The following GAS2 variants were observed in gnomAD, a reference collection of about 807,000 sequenced individuals.
GAS2 encodes growth arrest-specific protein 2.
Under a neutral mutation model 37.5 loss-of-function variants are expected in GAS2, and 20 were observed. The observed-to-expected ratio is 0.53, with a 90% confidence interval of 0.37 to 0.77. GAS2 has a LOEUF of 0.77. Among genes scored for constraint, GAS2 ranks in the 30% least tolerant of loss-of-function variants. The probability of loss-of-function intolerance (pLI) is 0.00; values close to 1 mark genes in which losing one functional copy is unlikely to be tolerated. For synonymous variants in GAS2, 144 were observed against 132.2 expected (o/e 1.09, Z -0.61); for missense variants, 336 against 373.4 (o/e 0.90, Z 0.82).
intron 1 of GAS2, among the ~76,000 whole-genome samples, chr11:22,637,980 T>C (rs868462316): frequency 1.3e-5 from 2 of 151,964 alleles, no homozygotes; most frequent in Admixed American, 6.6e-5. Flanking sequence ...TTTTTCCAGT[T>C]TCAGTTTTAC....
At chr11:22,746,032 TTTAGCCAG>T (rs1853381483) in intron 5 of GAS2, among the ~76,000 whole-genome samples, 1 of 151,752 alleles carries the variant, frequency 6.6e-6, no homozygotes, top group Admixed American at 6.6e-5. Flanking sequence ...ACACAAAAAA[TTTAGCCAG>T]GCATGGTGGC....
intron 1 of GAS2, among the ~76,000 whole-genome samples, chr11:22,669,260 AAT>A (rs1237064902): frequency 2.6e-5 from 4 of 152,148 alleles, no homozygotes; most frequent in African/African-American, 9.7e-5. Flanking sequence ...TATTGTTAAC[AAT>A]AGTCATTAGA....
chr11:22,738,391 T>C (rs1416171609), intron 5 of GAS2, among the ~76,000 whole-genome samples: 1 of 152,206 alleles, frequency 6.6e-6, no homozygotes, highest in East Asian at 1.9e-4. Flanking sequence ...GGAACTCTGT[T>C]AGCTAAAGCA....
intron 7 of GAS2, among the ~76,000 whole-genome samples, chr11:22,808,912 T>C (rs1857013252): frequency 2.0e-5 from 3 of 152,204 alleles, no homozygotes; most frequent in Admixed American, 6.5e-5. Flanking sequence ...GATGAAATTA[T>C]AAAAGCCCTA....
At chr11:22,779,549 T>A in intron 7 of GAS2, among the ~76,000 whole-genome samples, 1 of 151,986 alleles carries the variant, frequency 6.6e-6, no homozygotes, top group East Asian at 1.9e-4. Flanking sequence ...AATATAAAAA[T>A]TAGTCAGGTG....
At chr11:22,647,584 A>G (rs1426012372) in intron 1 of GAS2, among the ~76,000 whole-genome samples, 3 of 152,014 alleles carry the variant, frequency 2.0e-5, no homozygotes, top group Non-Finnish European at 2.9e-5. Context: ...TCCAGCACCT[A>G]TTGTTTCCTG....
intron 1 of GAS2, among the ~76,000 whole-genome samples, chr11:22,641,602 A>G (rs952496689): frequency 4.0e-5 from 6 of 151,674 alleles, no homozygotes; most frequent in Non-Finnish European, 8.8e-5. Context: ...GATGTTGCTA[A>G]TTCCTAGCTG....
chr11:22,629,115 T>C (rs770914184), intron 1 of GAS2, among the ~76,000 whole-genome samples: 2 of 152,166 alleles, frequency 1.3e-5, no homozygotes, highest in Non-Finnish European at 2.9e-5. Flanking sequence ...AATTGTGAAT[T>C]ATGCTGTGAT....
chr11:22,738,439 G>T (rs1450205944), intron 5 of GAS2, among the ~76,000 whole-genome samples: 5 of 152,076 alleles, frequency 3.3e-5, no homozygotes. Context: ...TTATTATCTT[G>T]CATACCATCA....
chr11:22,737,624 T>G, intron 4 of GAS2, 81 bp from the exon 5 acceptor site: 7 of 1,287,668 alleles, frequency 5.4e-6, no homozygotes, highest in Non-Finnish European at 7.9e-6. Flanking sequence ...GCACGAGGAA[T>G]GAGGGTCATT....
Position 22,654,526 on chromosome 11 carries a change from T to A in GAS2, c.-20-20324T>A, listed in dbSNP as rs337511. Among the ~76,000 whole-genome samples the A allele has an allele frequency of 2.0e-5, 3 of 151,924 alleles. No homozygotes were observed. In the East Asian group the frequency reaches 5.8e-4, roughly 30 times the overall value. On this transcript the variant is annotated intron_variant, in intron 1 of 5. Coordinates refer to the GAS2 transcript ENST00000528582. Reference sequence around the variant, plus strand: ...TCCTCCCACCTTAGCCTCCTGAGAGTTTGGGACTACAGGCATGTGCAACAA... The same window carrying A: ...TCCTCCCACCTTAGCCTCCTGAGAGATTGGGACTACAGGCATGTGCAACAA...
At chr11:22,789,523 G>T (rs1274221083) in intron 7 of GAS2, among the ~76,000 whole-genome samples, 3 of 133,592 alleles carry the variant, frequency 2.2e-5, no homozygotes, top group South Asian at 2.5e-4. Flanking sequence ...GTGCAGTGGC[G>T]TGATCTCGGC....
intron 1 of GAS2, among the ~76,000 whole-genome samples, chr11:22,673,518 C>A (rs138202069): frequency 6.6e-6 from 1 of 152,142 alleles, no homozygotes; most frequent in Admixed American, 6.6e-5. Flanking sequence ...TTATATACAG[C>A]GTAGAATCCT....
At chr11:22,724,571 G>A (rs543165330) in intron 3 of GAS2, among the ~76,000 whole-genome samples, 1 of 152,066 alleles carries the variant, frequency 6.6e-6, no homozygotes, top group Non-Finnish European at 1.5e-5. Flanking sequence ...GTTTTTGTAA[G>A]TCATCTAGGA....
At chr11:22,751,401 T>C (rs1332712861) in intron 6 of GAS2, among the ~76,000 whole-genome samples, 1 of 152,056 alleles carries the variant, frequency 6.6e-6, no homozygotes, top group African/African-American at 2.4e-5. Flanking sequence ...AGTATTTGTA[T>C]CTATTTAATG....
intron 7 of GAS2, among the ~76,000 whole-genome samples, chr11:22,786,188 A>G (rs1412266857): frequency 6.6e-6 from 1 of 152,154 alleles, no homozygotes; most frequent in Non-Finnish European, 1.5e-5. Flanking sequence ...AAAGCTTACC[A>G]GGCTTTTATT....
At chr11:22,761,821 A>C (rs1416933005) in intron 7 of GAS2, among the ~76,000 whole-genome samples, 1 of 152,170 alleles carries the variant, frequency 6.6e-6, no homozygotes, top group African/African-American at 2.4e-5. Flanking sequence ...TAAGGTAATA[A>C]GCATTGGAAG....
intron 1 of GAS2, among the ~76,000 whole-genome samples, chr11:22,630,637 A>G (rs928585898): frequency 3.9e-5 from 6 of 152,160 alleles, no homozygotes; most frequent in African/African-American, 1.4e-4. Context: ...ATGTTTTTGT[A>G]TGCTTTGTCA....
chr11:22,756,109 C>T (rs1854022951), intron 7 of GAS2, among the ~76,000 whole-genome samples, 156 bp downstream of exon 7: 1 of 151,976 alleles, frequency 6.6e-6, no homozygotes, highest in Non-Finnish European at 1.5e-5. Context: ...TTATAATGTA[C>T]TACTGAAGGC....
Sources: gnomAD v4.1 joint callset for allele counts (sites outside exome capture counted in the v4.1 genomes callset) on GRCh38, gnomAD v4.1.1 for gene constraint, MANE v1.5 for transcripts, NCBI Gene and HGNC (gene_info 2026-07-23, HGNC 2026-07-21) for gene names.